Variants in ROR2 observed in about 807,000 individuals in gnomAD.
ROR2 encodes the protein tyrosine-protein kinase transmembrane receptor ROR2.
Under a neutral mutation model 74.9 loss-of-function variants are expected in ROR2, and 33 were observed. The ratio of observed to expected loss-of-function variants is 0.44; its 90% CI spans 0.33 to 0.59. The LOEUF is 0.59. Among genes scored for constraint, ROR2 ranks in the 20% least tolerant of loss-of-function variants. ROR2 has a pLI of 0.02. For missense variants in ROR2, 1,216 were observed against 1,313.8 expected, an observed-to-expected ratio of 0.93 and a Z score of 1.15; for synonymous variants, 586 against 558.7, an observed-to-expected ratio of 1.05 and a Z score of -0.69.
At chr9:91,948,680 C>G in intron 1 of ROR2, 1 of 985,534 alleles carries the variant, frequency 1.0e-6, no homozygotes, top group Non-Finnish European at 1.2e-6. Flanking sequence ...AAAAGCAGAG[C>G]GTCTCCCAGC....
intron 1 of ROR2, among the ~76,000 whole-genome samples, chr9:91,833,055 A>C (rs970608118): frequency 4.6e-5 from 7 of 152,126 alleles, no homozygotes; most frequent in Non-Finnish European, 8.8e-5. Flanking sequence ...GGGCTCCCCT[A>C]AGCCCTGCAA....
chr9:91,853,474 C>T (rs1466146150), intron 1 of ROR2, among the ~76,000 whole-genome samples: 2 of 152,142 alleles, frequency 1.3e-5, no homozygotes, highest in Admixed American at 1.3e-4. Flanking sequence ...AGTACTGTGA[C>T]AAGTCAAGTT....
At chr9:91,846,979 C>T (rs1464317253) in intron 1 of ROR2, among the ~76,000 whole-genome samples, 2 of 152,002 alleles carry the variant, frequency 1.3e-5, no homozygotes, top group African/African-American at 4.8e-5. Flanking sequence ...CACAGGGTAC[C>T]GCATGGATTC....
At chr9:91,801,309 T>C (rs1023072405) in intron 1 of ROR2, among the ~76,000 whole-genome samples, 4 of 152,202 alleles carry the variant, frequency 2.6e-5, no homozygotes, top group Admixed American at 2.0e-4. Flanking sequence ...ATGAAAAGCT[T>C]ACTAAATAAA....
chr9:91,822,886 G>A (rs542318085), intron 1 of ROR2, among the ~76,000 whole-genome samples: 18 of 152,218 alleles, frequency 1.2e-4, no homozygotes, highest in South Asian at 1.0e-3. Flanking sequence ...GGCCACAGAC[G>A]CAGAGACATC....
chr9:91,791,029 A>G (rs1265591210), intron 1 of ROR2, among the ~76,000 whole-genome samples: 1 of 152,228 alleles, frequency 6.6e-6, no homozygotes, highest in Non-Finnish European at 1.5e-5. Context: ...GAAGAAATAA[A>G]TATTTTTATA....
intron 2 of ROR2, among the ~76,000 whole-genome samples, chr9:91,764,007 TTTTG>T (rs1393283447): frequency 1.3e-5 from 2 of 152,078 alleles, no homozygotes; most frequent in African/African-American, 2.4e-5. Flanking sequence ...AGCTTGTTGA[TTTTG>T]TTTTTCATAT....
chr9:91,828,324 A>G (rs1320204298), intron 1 of ROR2, among the ~76,000 whole-genome samples: 2 of 152,246 alleles, frequency 1.3e-5, no homozygotes, highest in Admixed American at 1.3e-4. Context: ...TATTGATGAT[A>G]CATAGGAAAT....
chr9:91,747,857 T>C (rs1380637314), intron 4 of ROR2, among the ~76,000 whole-genome samples: 1 of 151,932 alleles, frequency 6.6e-6, no homozygotes, highest in East Asian at 1.9e-4. Flanking sequence ...CACTACAAAG[T>C]CAAAGGATGT....
intron 1 of ROR2, among the ~76,000 whole-genome samples, chr9:91,873,880 T>C (rs756847924): frequency 1.3e-5 from 2 of 152,214 alleles, no homozygotes; most frequent in Non-Finnish European, 2.9e-5. Flanking sequence ...ATATTCAGGC[T>C]GTAAATTACC....
intron 2 of ROR2, among the ~76,000 whole-genome samples, chr9:91,764,646 A>G (rs1046849056): frequency 1.3e-5 from 2 of 151,876 alleles, no homozygotes; most frequent in South Asian, 2.1e-4. Flanking sequence ...GCCTCCAATT[A>G]TTGTTATTTT....
intron 1 of ROR2, among the ~76,000 whole-genome samples, chr9:91,824,179 T>G (rs1828216650): frequency 6.6e-6 from 1 of 152,220 alleles, no homozygotes; most frequent in African/African-American, 2.4e-5. Context: ...GAGACACCAT[T>G]ACCGGCATCT....
At chr9:91,828,586 C>T (rs565179618) in intron 1 of ROR2, among the ~76,000 whole-genome samples, 4 of 152,184 alleles carry the variant, frequency 2.6e-5, no homozygotes, top group South Asian at 2.1e-4. Context: ...TGGTAGTGCA[C>T]GCCTGTAATC....
At chr9:91,868,914 A>G (rs1587803484) in intron 1 of ROR2, among the ~76,000 whole-genome samples, 1 of 152,356 alleles carries the variant, frequency 6.6e-6, no homozygotes, top group South Asian at 2.1e-4. Flanking sequence ...TCACACATCA[A>G]TGTTGGGAAT....
chr9:91,827,372 T>C (rs745413485), intron 1 of ROR2, among the ~76,000 whole-genome samples: 3 of 151,892 alleles, frequency 2.0e-5, no homozygotes, highest in Non-Finnish European at 4.4e-5. Context: ...GATCACACCA[T>C]TGCACTCCAG....
intron 1 of ROR2, among the ~76,000 whole-genome samples, chr9:91,818,550 G>A (rs577469147): frequency 6.7e-6 from 1 of 150,138 alleles, no homozygotes; most frequent in Non-Finnish European, 1.5e-5. Context: ...ACATGGCAAT[G>A]TCTGCAATGA....
rs754529141 is a variant in ROR2 at position 91,905,294 on chromosome 9, C to T, written c.97+44573G>A. On this transcript the variant is annotated intron_variant, in intron 1 of 8. Transcript: ENST00000375708. This position sits in a 1 kb window ranked among gnomAD's most constrained non-coding sequence, Gnocchi z 5.3. Reference sequence around the variant, plus strand: ...CACACAAATTCAGCACACACAATACCACACACCAGACACACCACACACATA... The same window carrying T: ...CACACAAATTCAGCACACACAATACTACACACCAGACACACCACACACATA... 4.6e-5 allele frequency among the ~76,000 whole-genome samples: 7 copies of T among 150,964 alleles called. No homozygotes were observed. Among genetic ancestry groups the T allele is most frequent in the Admixed American group, 1.3e-4 (2 of 15,144 alleles).
At chr9:91,805,700 T>C (rs1269895798) in intron 1 of ROR2, among the ~76,000 whole-genome samples, 3 of 152,068 alleles carry the variant, frequency 2.0e-5, no homozygotes, top group East Asian at 3.9e-4. Context: ...AGTATGAACA[T>C]ACGTACACAC....
intron 1 of ROR2, among the ~76,000 whole-genome samples, chr9:91,896,071 T>C (rs556806674): frequency 1.3e-5 from 2 of 152,296 alleles, no homozygotes; most frequent in South Asian, 4.1e-4. Flanking sequence ...CTTTGACAAA[T>C]GCCCAAGGTT....
Sources: gnomAD v4.1 joint callset for allele counts (sites outside exome capture counted in the v4.1 genomes callset) on GRCh38, gnomAD v4.1.1 for gene constraint, Gnocchi (gnomAD v3.1) non-coding constraint, MANE v1.5 for transcripts, NCBI Gene and HGNC (gene_info 2026-07-23, HGNC 2026-07-21) for gene names.